SIN3B: variants seen among roughly 807,000 people sequenced by gnomAD.
SIN3B encodes paired amphipathic helix protein Sin3b.
SIN3B carries 19 observed loss-of-function variants against 120.2 expected under a neutral mutation model. That is an observed-to-expected ratio of 0.16 (90% CI 0.11 to 0.23). The LOEUF (loss-of-function observed/expected upper bound fraction) is 0.23. SIN3B is among the 10% of genes least tolerant of loss of function. The pLI, the probability that SIN3B is intolerant of heterozygous loss-of-function variation, is 1.00. For missense variants in SIN3B, 1,073 were observed against 1,573.0 expected (o/e 0.68, Z 5.38); for synonymous variants, 654 against 653.2 (o/e 1.00, Z -0.02).
chr19:16,863,525 C>T (rs1459631606), intron 9 of SIN3B, 155 bp from the exon 10 acceptor site: 8 of 639,766 alleles, frequency 1.3e-5, no homozygotes, highest in Non-Finnish European at 2.3e-5. Context: ...TCATGTTTTT[C>T]CTTAAAAACT....
At chr19:16,841,717 C>G (rs78722881) in intron 3 of SIN3B, 51 bp from the exon 4 acceptor site, 1 of 1,552,108 alleles carries the variant, frequency 6.4e-7, no homozygotes, top group Non-Finnish European at 8.9e-7. Flanking sequence ...GTGTTTTTCA[C>G]AATCTGTTTC....
In SIN3B at chr19:16,840,187, C is replaced by G. The variant is rs542537189; in HGVS notation, c.382-1581C>G. Reference sequence around the variant, plus strand: ...CACCCCAAATTCATGTATTTTAGCCCTAGCCCCAGCGCCTCAGAACGTGAC... The same window carrying G: ...CACCCCAAATTCATGTATTTTAGCCGTAGCCCCAGCGCCTCAGAACGTGAC... On this transcript the variant is annotated intron_variant, in intron 3 of 18. Transcript: ENST00000248054. Among the ~76,000 whole-genome samples the G allele has an allele frequency of 1.6e-4, 25 of 152,226 alleles. No homozygotes were observed. The South Asian group carries it at 5.0e-3, about 30-fold the overall frequency.
chr19:16,873,243 C>G (rs908939306), intron 14 of SIN3B, among the ~76,000 whole-genome samples: 3 of 152,160 alleles, frequency 2.0e-5, no homozygotes, highest in Non-Finnish European at 4.4e-5. Flanking sequence ...GCGCCTGTTT[C>G]CGTTGCGTCT....
chr19:16,876,378 A>C lies in SIN3B; in HGVS notation c.2767-108A>C, dbSNP rs538473888. The C allele has an allele frequency of 2.9e-6, 4 of 1,400,952 alleles. No homozygotes were observed. In the East Asian group the frequency reaches 9.4e-5, roughly 33 times the overall value. The allele number at this position is 1,400,952 out of a possible 1,614,324, so 86.8% of individuals were successfully genotyped here. On this transcript the variant is annotated intron_variant, in intron 15 of 18. Transcript: ENST00000248054. The surrounding 1 kb of genome is among the most constrained non-coding windows in gnomAD (Gnocchi z 7.1). ...GTACCTTTGACCTGCAGGAAGCATCAGGGCTTTGGGAGGGTGGCAAAGGCG... is the reference window on the plus strand; with the variant it reads ...GTACCTTTGACCTGCAGGAAGCATCCGGGCTTTGGGAGGGTGGCAAAGGCG...
chr19:16,865,316 CAA>C (rs1555742994), intron 10 of SIN3B, 92 bp from the exon 11 acceptor site: 4 of 543,628 alleles, frequency 7.4e-6, no homozygotes, highest in African/African-American at 2.1e-5. Context: ...ACCCCCCCCC[CAA>C]AAAAATCCTC....
Position 16,871,392 on chromosome 19 carries a change from G to A in SIN3B, c.2586G>A (p.Ala862=), listed in dbSNP as rs371975490. The A allele has an allele frequency of 4.0e-5, 64 of 1,603,338 alleles. No homozygotes were observed. Among genetic ancestry groups the A allele is most frequent in the Admixed American group, 2.4e-4 (14 of 59,274 alleles). ...FTMDKLVQNI[A]RQLHHLVSDD... is the part of the protein sequence containing the mutation. The stretch of plus-strand genomic sequence containing the variant: ...TGGACAAGCTGGTGCAGAACATTGC[G>A]CGGCAGGTGAGCCGGGCCGGGGTGG... The change falls in exon 14 of 19, where the codon GCG becomes GCA. Residue 862 remains alanine (A), a synonymous_variant. Coordinates refer to ENST00000248054, the MANE Select transcript of SIN3B (RefSeq NM_001297595.2).
intron 9 of SIN3B, chr19:16,863,275 CA>C: frequency 2.1e-6 from 1 of 485,832 alleles, no homozygotes; most frequent in Non-Finnish European, 3.7e-6. Flanking sequence ...AAAGAGAAAC[CA>C]AAAAATGACA....
rs769332245 is a variant in SIN3B at position 16,876,607 on chromosome 19, GCATA to G, written c.2859+31_2859+34del. 1 of 1,571,122 alleles carries G rather than the reference GCATA, an allele frequency of 6.4e-7. No individual in the cohort carries two copies. The highest frequency in any genetic ancestry group is 8.7e-7 in the Non-Finnish European group (1 of 1,144,396). On this transcript the variant is annotated intron_variant, in intron 16 of 18. Transcript: ENST00000248054. This position sits in a 1 kb window ranked among gnomAD's most constrained non-coding sequence, Gnocchi z 7.1. The stretch of plus-strand genomic sequence containing the variant: ...AGGCCCTGGCCCCAGTCTGTGCCAC[GCATA>G]CCAGGGAGCGCCTGAGGGCAGCAGC...
At chr19:16,837,885 T>C (rs1291568332) in intron 3 of SIN3B, among the ~76,000 whole-genome samples, 3 of 152,036 alleles carry the variant, frequency 2.0e-5, no homozygotes, top group Admixed American at 1.3e-4. Flanking sequence ...GGGGGGCTGC[T>C]ATGTGTCTGT....
At chr19:16,865,696 C>A in intron 11 of SIN3B, 48 bp downstream of exon 11, 3 of 940,730 alleles carry the variant, frequency 3.2e-6, no homozygotes, top group Non-Finnish European at 4.8e-6. Context: ...TTCCCCCTTC[C>A]CTCCCCTCCC....
chr19:16,875,888 G>A (rs920973933), intron 14 of SIN3B, 167 bp from the exon 15 acceptor site: 4 of 794,116 alleles, frequency 5.0e-6, no homozygotes, highest in African/African-American at 3.5e-5. Context: ...GGTCTGGTCT[G>A]TTTGGTCTGG....
At chr19:16,866,217 C>T (rs562900724) in intron 11 of SIN3B, among the ~76,000 whole-genome samples, 156 bp from the exon 12 acceptor site, 15 of 152,306 alleles carry the variant, frequency 9.8e-5, no homozygotes, top group East Asian at 3.9e-4. Flanking sequence ...CTCCCTCTGA[C>T]GTGCACAGAG....
intron 14 of SIN3B, among the ~76,000 whole-genome samples, chr19:16,873,833 C>T (rs2051545687): frequency 6.6e-6 from 1 of 152,250 alleles, no homozygotes; most frequent in Non-Finnish European, 1.5e-5. Flanking sequence ...TGTTTGTAAC[C>T]TGCCTCGAGG....
rs1321378371 is a variant in SIN3B, at chr19:16,853,071, A to G, written c.852A>G (p.Lys284=). Reference sequence around the variant, plus strand: ...CTGCATAGAATTTCTCCCCACAGAAAAAAATGAAACTTCGTGGTACCAAAG... The same window carrying G: ...CTGCATAGAATTTCTCCCCACAGAAGAAAATGAAACTTCGTGGTACCAAAG... The part of the protein sequence containing the change: ...LLRPVSAPAK[K]KMKLRGTKDL... The change falls in exon 7 of 19, where the codon AAA becomes AAG. Residue 284 remains lysine, a splice_region_variant and synonymous_variant. Transcript: ENST00000248054. The G allele has an allele frequency of 6.2e-7, 1 of 1,614,124 alleles. No individual in the cohort carries two copies. Among genetic ancestry groups the G allele is most frequent in the South Asian group, 1.1e-5 (1 of 91,078 alleles).
chr19:16,848,260 A>G (rs575440442), intron 5 of SIN3B, among the ~76,000 whole-genome samples: 75 of 152,172 alleles, frequency 4.9e-4, no homozygotes, highest in Non-Finnish European at 9.4e-4. Flanking sequence ...TCTTTTGGGT[A>G]GACACCTAGG....
At chr19:16,850,420 C>T (rs1971529674) in intron 5 of SIN3B, among the ~76,000 whole-genome samples, 2 of 151,994 alleles carry the variant, frequency 1.3e-5, no homozygotes, top group Non-Finnish European at 2.9e-5. Flanking sequence ...TTGTTCTGCC[C>T]CTTGGGTTTT....
At chr19:16,833,754 C>T (rs1244704317) in intron 3 of SIN3B, among the ~76,000 whole-genome samples, 3 of 151,114 alleles carry the variant, frequency 2.0e-5, no homozygotes, top group African/African-American at 7.3e-5. Flanking sequence ...GAAGGAGTCT[C>T]GCTCTGTCAC....
chr19:16,863,977 A>G lies in SIN3B; in HGVS notation c.1383+181A>G, dbSNP rs561163500. 2.0e-5 allele frequency among the ~76,000 whole-genome samples: 3 copies of G among 152,322 alleles called. No homozygotes were observed. In the South Asian group the frequency reaches 6.2e-4, roughly 32 times the overall value. On this transcript the variant is annotated intron_variant, in intron 10 of 18. Transcript: ENST00000248054. ...TGCTGGCCTTTGGGCTGGCTACCAGATGGCACTTTTCTTTCTGTTTAAAAA... is the reference window on the plus strand; with the variant it reads ...TGCTGGCCTTTGGGCTGGCTACCAGGTGGCACTTTTCTTTCTGTTTAAAAA...
rs933039396 is a variant in SIN3B, at chr19:16,865,310, C to CT, written c.1384-100_1384-99insT. The CT allele has an allele frequency of 9.1e-6, 5 of 548,140 alleles. No individual in the cohort carries two copies. In the Admixed American group the frequency reaches 9.6e-5, roughly 10 times the overall value. 34.0% of individuals were successfully genotyped at this position (548,140 alleles called of 1,614,324 possible). On this transcript the variant is annotated intron_variant, in intron 10 of 18. Coordinates refer to ENST00000248054, the MANE Select transcript of SIN3B (RefSeq NM_001297595.2). ...CCCTATCTCTTAAATACACACACCC[C>CT]CCCCCCAAAAAAATCCTCTGGTCTC...
Sources: allele counts gnomAD v4.1 joint callset (sites outside exome capture counted in the v4.1 genomes callset), GRCh38; gene constraint gnomAD v4.1.1; non-coding constraint Gnocchi (gnomAD v3.1); transcripts MANE v1.5; gene names NCBI Gene and HGNC (gene_info 2026-07-23, HGNC 2026-07-21).